RCBTB1: variants seen among roughly 807,000 people sequenced by gnomAD.
The protein encoded by RCBTB1 is RCC1 and BTB domain containing protein 1, also known as RCC1 and BTB domain-containing protein 1.
A neutral mutation model predicts 62.4 loss-of-function variants in RCBTB1; 46 were observed. That is an observed-to-expected ratio of 0.74 (90% CI 0.58 to 0.94). The LOEUF (loss-of-function observed/expected upper bound fraction) is 0.94, where lower values mean the gene tolerates loss of function less well. RCBTB1 is among the 40% of genes least tolerant of loss of function. RCBTB1 has a pLI of 0.00. For missense variants in RCBTB1, 565 were observed against 654.9 expected (o/e 0.86, Z 1.50); for synonymous variants, 222 against 245.8 (o/e 0.90, Z 0.91).
intron 1 of RCBTB1, among the ~76,000 whole-genome samples, chr13:49,582,690 G>T (rs749672606): frequency 1.3e-5 from 2 of 152,044 alleles, no homozygotes; most frequent in African/African-American, 4.8e-5. Flanking sequence ...CATGCCCACC[G>T]GCAATGTACA....
intron 4 of RCBTB1, among the ~76,000 whole-genome samples, chr13:49,566,136 G>T (rs1255913894): frequency 2.0e-5 from 3 of 150,176 alleles, no homozygotes. Flanking sequence ...TAGGCCGCAG[G>T]GTCCTCTGCC....
chr13:49,566,226 C>G (rs1013427261), intron 4 of RCBTB1, among the ~76,000 whole-genome samples: 13 of 150,632 alleles, frequency 8.6e-5, no homozygotes, highest in Non-Finnish European at 1.8e-4. Context: ...TGCCAAATCC[C>G]CCTATGCGAG....
intron 1 of RCBTB1, among the ~76,000 whole-genome samples, chr13:49,581,671 T>A (rs915283432): frequency 6.6e-6 from 1 of 151,704 alleles, no homozygotes; most frequent in Non-Finnish European, 1.5e-5. Context: ...GGACAGGGAG[T>A]ACCCCCTAGA....
chr13:49,550,481 G>C (rs1192593583), intron 8 of RCBTB1: 1 of 940,158 alleles, frequency 1.1e-6, no homozygotes, highest in Non-Finnish European at 1.3e-6. Context: ...GACATAGGAG[G>C]TAAGACCTTA....
At chr13:49,582,181 T>C (rs1176820776) in intron 1 of RCBTB1, among the ~76,000 whole-genome samples, 1 of 152,132 alleles carries the variant, frequency 6.6e-6, no homozygotes, top group African/African-American at 2.4e-5. Flanking sequence ...GGGAATGGGA[T>C]CTGAAGCAGA....
intron 4 of RCBTB1, among the ~76,000 whole-genome samples, chr13:49,562,368 T>C (rs1442511272): frequency 6.6e-6 from 1 of 151,968 alleles, no homozygotes; most frequent in African/African-American, 2.4e-5. Context: ...GGCTCACACC[T>C]GTAATCCCAG....
At chr13:49,572,197 T>C (rs1963445475) in intron 2 of RCBTB1, among the ~76,000 whole-genome samples, 2 of 152,012 alleles carry the variant, frequency 1.3e-5, no homozygotes, top group Admixed American at 1.3e-4. Flanking sequence ...AGTAGTGGCA[T>C]GCACCTGGTG....
chr13:49,565,629 GA>G (rs1566255178), intron 4 of RCBTB1, among the ~76,000 whole-genome samples: 3 of 126,206 alleles, frequency 2.4e-5, no homozygotes, highest in African/African-American at 3.7e-5. Context: ...GCCCAGCCCC[GA>G]CCCCGTCTGG....
At chr13:49,541,934 G>A in intron 10 of RCBTB1, 107 bp from the exon 11 acceptor site, 6 of 1,286,370 alleles carry the variant, frequency 4.7e-6, no homozygotes, top group South Asian at 1.5e-5. Flanking sequence ...AGTATCCTTG[G>A]GCCGGGCGTG....
chr13:49,577,951 GTGA>G (rs1314684315), intron 2 of RCBTB1, among the ~76,000 whole-genome samples: 14 of 152,262 alleles, frequency 9.2e-5, no homozygotes, highest in African/African-American at 2.9e-4. Flanking sequence ...AACTGAATGG[GTGA>G]TGATTTTATT....
chr13:49,567,094 C>T, intron 3 of RCBTB1, 60 bp downstream of exon 3: 2 of 1,551,236 alleles, frequency 1.3e-6, no homozygotes, highest in Non-Finnish European at 1.8e-6. Flanking sequence ...GAACTGGACA[C>T]TTTGAAGACC....
intron 9 of RCBTB1, among the ~76,000 whole-genome samples, chr13:49,549,134 T>TAA (rs66645127): frequency 8.5e-6 from 1 of 117,296 alleles, no homozygotes; most frequent in Non-Finnish European, 1.7e-5. Context: ...TCTGTCTCAA[T>TAA]AAAAAAAAAA....
At chr13:49,555,783 G>A (rs755096486) in intron 5 of RCBTB1, 110 bp from the exon 6 acceptor site, 3 of 779,610 alleles carry the variant, frequency 3.8e-6, no homozygotes, top group Non-Finnish European at 6.1e-6. Flanking sequence ...TACTTAAGAT[G>A]TGCTAAACGG....
intron 4 of RCBTB1, among the ~76,000 whole-genome samples, chr13:49,561,887 T>A (rs1175450046): frequency 4.1e-5 from 6 of 146,870 alleles, no homozygotes; most frequent in African/African-American, 5.0e-5. Flanking sequence ...AGGTCAGGAG[T>A]TCAAGACCAG....
intron 9 of RCBTB1, among the ~76,000 whole-genome samples, chr13:49,546,667 A>C (rs1045108992): frequency 1.3e-5 from 2 of 152,184 alleles, no homozygotes; most frequent in Admixed American, 6.5e-5. Context: ...TTAGATTCTC[A>C]TAAGGAGCTC....
chr13:49,545,868 C>G (rs952806689), intron 9 of RCBTB1, among the ~76,000 whole-genome samples: 5 of 152,128 alleles, frequency 3.3e-5, no homozygotes, highest in Non-Finnish European at 7.4e-5. Flanking sequence ...CAGCTAAAAC[C>G]TAGGCTGAAA....
rs74076080 is a variant in RCBTB1, at chr13:49,550,412, A to G, written c.855-764T>C. ...AAAAGGAAAACAAGCCAAACTTACT[A>G]TATTTCTCAGTAGTATGCTTCTTGG... On this transcript the variant is annotated intron_variant, in intron 8 of 12. Transcript: ENST00000378302. 1.0e-3 allele frequency: 1,012 copies of G among 983,684 alleles called. 5 individuals carry two copies. The African/African-American group carries it at 0.017, about 16-fold the overall frequency. 60.9% of individuals were successfully genotyped at this position (983,684 alleles called of 1,614,324 possible). A position where few individuals can be genotyped will look rare whatever the true frequency, so the allele number is the denominator to read the frequency against.
intron 9 of RCBTB1, among the ~76,000 whole-genome samples, chr13:49,547,495 T>C (rs1163559567): frequency 6.6e-6 from 1 of 152,082 alleles, no homozygotes; most frequent in African/African-American, 2.4e-5. Context: ...AAAAGAAATA[T>C]GCTAGCAAAA....
Position 49,542,213 on chromosome 13 carries a change from C to CA in RCBTB1, c.1173-387dup, listed in dbSNP as rs11285149. Among the ~76,000 whole-genome samples the CA allele has an allele frequency of 1.1e-3, 158 of 139,406 alleles. 1 individual carries two copies. The highest frequency in any genetic ancestry group is 6.3e-3 in the South Asian group (27 of 4,286). The allele number at this position is 139,406 out of a possible 152,430, so 91.5% of individuals were successfully genotyped here. A position where few individuals can be genotyped will look rare whatever the true frequency, so the allele number is the denominator to read the frequency against. ...TGGCAACAAGAGCAAAACTCCGTCT[C>CA]AAAAAAAAAAAAAAAGTAAGTATAT... On this transcript the variant is annotated intron_variant, in intron 10 of 12. Transcript: ENST00000378302.
Sources: allele counts gnomAD v4.1 joint callset (sites outside exome capture counted in the v4.1 genomes callset), GRCh38; gene constraint gnomAD v4.1.1; transcripts MANE v1.5; gene names NCBI Gene and HGNC (gene_info 2026-07-23, HGNC 2026-07-21).